Variants in PDGFRA observed in about 807,000 individuals in gnomAD.
PDGFRA encodes platelet-derived growth factor receptor alpha.
A neutral mutation model predicts 121.5 loss-of-function variants in PDGFRA; 25 were observed. That is an observed-to-expected ratio of 0.21 (90% CI 0.15 to 0.29). The LOEUF is 0.29. Ranked by LOEUF, PDGFRA falls within the 10% of genes least tolerant of loss-of-function variation. The pLI, the probability that PDGFRA is intolerant of heterozygous loss-of-function variation, is 1.00. For synonymous variants in PDGFRA, 463 were observed against 494.8 expected, an observed-to-expected ratio of 0.94 and a Z score of 0.85; for missense variants, 1,008 against 1,345.1, an observed-to-expected ratio of 0.75 and a Z score of 3.92.
chr4:54,269,545 C>T (rs1723214609), intron 7 of PDGFRA, among the ~76,000 whole-genome samples: 1 of 150,922 alleles, frequency 6.6e-6, no homozygotes, highest in Non-Finnish European at 1.5e-5. Context: ...AACCAGATGT[C>T]ATTTATAATC....
intron 1 of PDGFRA, among the ~76,000 whole-genome samples, chr4:54,235,353 T>G (rs1720953234): frequency 6.6e-6 from 1 of 152,230 alleles, no homozygotes; most frequent in African/African-American, 2.4e-5. Context: ...CTCTCTGGCT[T>G]TAGGAGAAGA....
intron 1 of PDGFRA, chr4:54,230,434 C>G (rs1412536266): frequency 6.6e-6 from 1 of 152,402 alleles, no homozygotes; most frequent in African/African-American, 2.4e-5. Context: ...GCCCCCGCCC[C>G]CGCCTGTCTT....
At position 54,290,567 on chromosome 4, in the gene PDGFRA, G is replaced by A. The variant is rs2110349234; in HGVS notation, c.3122+13G>A. 6.2e-7 allele frequency: 1 copy of A among 1,614,010 alleles called. No homozygotes were observed. Among genetic ancestry groups the A allele is most frequent in the Non-Finnish European group, 8.5e-7 (1 of 1,180,002 alleles). ...GGAACAGACACAGGTAGCTGTGGGG[G>A]CAGCCTCGGTGTCTCACCTTTCCCC... On this transcript the variant is annotated intron_variant, in intron 22 of 22. Transcript: ENST00000257290.
intron 1 of PDGFRA, among the ~76,000 whole-genome samples, chr4:54,245,711 C>A (rs1577682050): frequency 6.6e-6 from 1 of 152,104 alleles, no homozygotes; most frequent in African/African-American, 2.4e-5. Flanking sequence ...TCACACATAA[C>A]AATATTAACT....
chr4:54,279,070 AT>A (rs1723920869), intron 15 of PDGFRA: 22 of 319,634 alleles, frequency 6.9e-5, no homozygotes, highest in South Asian at 5.6e-4. Flanking sequence ...GGTAGAAGGA[AT>A]TGTATGCCCA....
At chr4:54,246,222 A>G (rs1243009647) in intron 1 of PDGFRA, among the ~76,000 whole-genome samples, 6 of 152,206 alleles carry the variant, frequency 3.9e-5, no homozygotes, top group African/African-American at 1.4e-4. Context: ...CGGACCTAAT[A>G]GACATCTACA....
intron 5 of PDGFRA, among the ~76,000 whole-genome samples, chr4:54,266,221 A>G (rs1305160784): frequency 6.6e-6 from 1 of 152,222 alleles, no homozygotes; most frequent in Non-Finnish European, 1.5e-5. Flanking sequence ...GCTTACAAAT[A>G]TATAATCAAA....
chr4:54,288,906 C>T lies in PDGFRA; in HGVS notation c.2774+8C>T, dbSNP rs771231491. The T allele has an allele frequency of 1.1e-5, 18 of 1,591,844 alleles. No homozygotes were observed. The South Asian group carries it at 1.8e-4, about 16-fold the overall frequency. On this transcript the variant is annotated splice_region_variant and intron_variant, in intron 20 of 22. Transcript: ENST00000257290. ...CCACGCTACCAGTGAAGTGTGAGCT[C>T]CTTCCCCATCCCGGGGGCCTGTGTT...
intron 5 of PDGFRA, 71 bp from the exon 6 acceptor site, chr4:54,267,218 A>G: frequency 7.2e-7 from 1 of 1,394,228 alleles, no homozygotes. Context: ...TCCAGAGTCC[A>G]TAGTTTATCT....
In PDGFRA at chr4:54,267,371, C is replaced by T. The variant is rs770343276; in HGVS notation, c.842C>T (p.Thr281Met). ...LVYTLTVPEA[T>M]VKDSGDYECA... ...TACACTTTGACGGTCCCCGAGGCCA[C>T]GGTGAAAGACAGTGGAGATTACGAA... Residue 281 changes from threonine (T) to methionine (M), a missense_variant, in exon 6 of 23, where the codon ACG (threonine) becomes ATG (methionine). Thr to Met is a moderately conservative substitution (Grantham distance 81, BLOSUM62 -1). Transcript: ENST00000257290. The T allele has an allele frequency of 1.4e-5, 22 of 1,613,982 alleles. No homozygotes were observed. Among genetic ancestry groups the T allele is most frequent in the Middle Eastern group, 1.6e-4 (1 of 6,082 alleles).
chr4:54,270,267 G>A (rs1018663131), intron 7 of PDGFRA, among the ~76,000 whole-genome samples: 3 of 152,052 alleles, frequency 2.0e-5, no homozygotes, highest in African/African-American at 7.2e-5. Flanking sequence ...GGATATTTAG[G>A]GGAAGCAAGT....
intron 18 of PDGFRA, 136 bp from the exon 19 acceptor site, chr4:54,287,294 A>G: frequency 1.3e-6 from 1 of 745,910 alleles, no homozygotes; most frequent in Non-Finnish European, 2.5e-6. Context: ...AACAAAACAC[A>G]TGTAAAAGAC....
At chr4:54,271,984 CTCCCCT>C (rs1560477268) in intron 8 of PDGFRA, among the ~76,000 whole-genome samples, 2 of 5,764 alleles carry the variant, frequency 3.5e-4, no homozygotes, top group African/African-American at 9.0e-4. Flanking sequence ...TCCCCTCCCC[CTCCCCT>C]CCCCCCTCCC....
chr4:54,249,847 TG>T (rs1370835011), intron 1 of PDGFRA, among the ~76,000 whole-genome samples: 1 of 152,074 alleles, frequency 6.6e-6, no homozygotes, highest in African/African-American at 2.4e-5. Context: ...TTATTATTTT[TG>T]TAAGTTAAAC....
chr4:54,277,670 C>T (rs776099856), intron 13 of PDGFRA, among the ~76,000 whole-genome samples, 178 bp downstream of exon 13: 7 of 152,074 alleles, frequency 4.6e-5, no homozygotes, highest in Non-Finnish European at 1.0e-4. Flanking sequence ...GCTCTTGCTG[C>T]CTGTATGTTG....
intron 12 of PDGFRA, among the ~76,000 whole-genome samples, chr4:54,275,393 T>G (rs990540050): frequency 2.6e-5 from 4 of 152,216 alleles, no homozygotes; most frequent in African/African-American, 9.6e-5. Flanking sequence ...TTTACATATT[T>G]GGAATATGGA....
chr4:54,281,653 G>T, intron 16 of PDGFRA: 1 of 1,360,618 alleles, frequency 7.3e-7, no homozygotes, highest in Non-Finnish European at 9.7e-7. Flanking sequence ...CTGTTGGCAG[G>T]CAGACCACTG....
At chr4:54,277,236 T>C in intron 12 of PDGFRA, 152 bp from the exon 13 acceptor site, 1 of 701,980 alleles carries the variant, frequency 1.4e-6, no homozygotes, top group Non-Finnish European at 2.6e-6. Context: ...CTCAATTCCT[T>C]TTTTGACACG....
intron 1 of PDGFRA, among the ~76,000 whole-genome samples, chr4:54,247,176 T>G (rs2110205982): frequency 6.6e-6 from 1 of 152,240 alleles, no homozygotes; most frequent in East Asian, 1.9e-4. Context: ...CTGAAACTAT[T>G]CCAATCAATA....
Sources: allele counts gnomAD v4.1 joint callset (sites outside exome capture counted in the v4.1 genomes callset), GRCh38; gene constraint gnomAD v4.1.1; transcripts MANE v1.5; gene names NCBI Gene and HGNC (gene_info 2026-07-23, HGNC 2026-07-21).